Variants in ERC1 observed in about 807,000 individuals in gnomAD.
The protein encoded by ERC1 is ELKS/RAB6-interacting/CAST family member 1, also known as RAB6 interacting protein 2.
ERC1 carries 56 observed loss-of-function variants against 132.0 expected under a neutral mutation model. That is an observed-to-expected ratio of 0.42 (90% confidence interval 0.34 to 0.53). ERC1 has a LOEUF of 0.53. Among genes scored for constraint, ERC1 ranks in the 20% least tolerant of loss-of-function variants. ERC1 has a pLI of 0.03. For synonymous variants in ERC1, 478 were observed against 476.1 expected, an observed-to-expected ratio of 1.00 and a Z score of -0.05; for missense variants, 1,202 against 1,349.9, an observed-to-expected ratio of 0.89 and a Z score of 1.72.
At chr12:1,003,315 T>C (rs1962835167) in intron 1 of ERC1, among the ~76,000 whole-genome samples, 1 of 152,160 alleles carries the variant, frequency 6.6e-6, no homozygotes, top group Non-Finnish European at 1.5e-5. Context: ...ACACATCTTT[T>C]GTTAAATTTA....
chr12:1,354,926 G>T lies in ERC1; in HGVS notation c.2781-16907G>T, dbSNP rs556836890. ...CAAAATCCTGGGATTACAGCAGTCCGCCCACTGATTTATCTTTAAATCACC... is the reference window on the plus strand; with the variant it reads ...CAAAATCCTGGGATTACAGCAGTCCTCCCACTGATTTATCTTTAAATCACC... On this transcript the variant is annotated intron_variant, in intron 15 of 18. Coordinates refer to ENST00000360905, the MANE Select transcript of ERC1 (RefSeq NM_178040.4). Among the ~76,000 whole-genome samples, 18 of 152,246 alleles carry T rather than the reference G, an allele frequency of 1.2e-4. 1 individual carries two copies. Among genetic ancestry groups the T allele is most frequent in the African/African-American group, 4.3e-4 (18 of 41,544 alleles).
intron 12 of ERC1, among the ~76,000 whole-genome samples, chr12:1,208,463 C>T (rs1008693731): frequency 5.3e-5 from 8 of 152,204 alleles, no homozygotes; most frequent in South Asian, 2.1e-4. Context: ...TTAGACACCC[C>T]TGCTCTATAT....
chr12:1,038,517 T>C (rs1245113883), intron 2 of ERC1, among the ~76,000 whole-genome samples: 3 of 152,044 alleles, frequency 2.0e-5, no homozygotes, highest in South Asian at 2.1e-4. Context: ...CACGCCACCA[T>C]GCCCTGCTAA....
chr12:1,225,473 C>A (rs142432380), intron 12 of ERC1, among the ~76,000 whole-genome samples: 2 of 151,516 alleles, frequency 1.3e-5, no homozygotes, highest in Admixed American at 6.6e-5. Flanking sequence ...CACACACACA[C>A]ACACACACAC....
chr12:1,196,347 A>G (rs1401405270), intron 12 of ERC1, among the ~76,000 whole-genome samples: 1 of 152,058 alleles, frequency 6.6e-6, no homozygotes, highest in East Asian at 1.9e-4. Context: ...CTAGGCAGCT[A>G]CTTTAAAGGG....
chr12:1,024,843 A>G (rs1161519659), intron 1 of ERC1, among the ~76,000 whole-genome samples: 1 of 110,834 alleles, frequency 9.0e-6, no homozygotes, highest in Non-Finnish European at 1.8e-5. Context: ...AAAAAAGTGG[A>G]AAAAAAAAAA....
chr12:1,353,049 G>A (rs1270174395), intron 15 of ERC1, among the ~76,000 whole-genome samples: 1 of 118,726 alleles, frequency 8.4e-6, no homozygotes, highest in Non-Finnish European at 1.7e-5. Flanking sequence ...TTTTTTTTCT[G>A]AGATGGAGTC....
At chr12:1,177,314 G>A (rs1593982023) in intron 8 of ERC1, among the ~76,000 whole-genome samples, 1 of 152,182 alleles carries the variant, frequency 6.6e-6, no homozygotes, top group Non-Finnish European at 1.5e-5. Context: ...CTTTCAGCCT[G>A]TCTTGGCTTT....
chr12:1,424,829 A>AGAT (rs1565410634), intron 17 of ERC1, among the ~76,000 whole-genome samples: 11 of 128,416 alleles, frequency 8.6e-5, no homozygotes, highest in Admixed American at 3.1e-4. Context: ...ATAGATAGAT[A>AGAT]GATAGATAGA....
chr12:1,168,479 CTT>C (rs746267742), intron 8 of ERC1, among the ~76,000 whole-genome samples: 30 of 91,946 alleles, frequency 3.3e-4, no homozygotes, highest in Non-Finnish European at 3.6e-4. Context: ...AGTGACTGGT[CTT>C]TTTTTTTTTT....
chr12:1,144,259 T>G (rs1950124396), intron 8 of ERC1, among the ~76,000 whole-genome samples: 1 of 152,208 alleles, frequency 6.6e-6, no homozygotes, highest in African/African-American at 2.4e-5. Flanking sequence ...TTTTTTATTA[T>G]TTTTTGTTTC....
At chr12:1,158,972 A>G (rs566351970) in intron 8 of ERC1, among the ~76,000 whole-genome samples, 5 of 152,320 alleles carry the variant, frequency 3.3e-5, no homozygotes, top group African/African-American at 1.2e-4. Context: ...ATATTGTTGA[A>G]GTTCATTGGC....
intron 2 of ERC1, among the ~76,000 whole-genome samples, chr12:1,077,534 C>T (rs1941544310): frequency 1.3e-5 from 2 of 152,126 alleles, no homozygotes; most frequent in Admixed American, 1.3e-4. Context: ...AATAATAGTA[C>T]AGTCCCTGGA....
chr12:1,138,035 A>G, intron 7 of ERC1, among the ~76,000 whole-genome samples: 1 of 132,460 alleles, frequency 7.5e-6, no homozygotes, highest in Middle Eastern at 3.4e-3. Flanking sequence ...TTATATAATT[A>G]TATATAAAAT....
chr12:1,366,388 C>T (rs929756763), intron 15 of ERC1, among the ~76,000 whole-genome samples: 4 of 152,116 alleles, frequency 2.6e-5, no homozygotes, highest in Admixed American at 2.6e-4. Context: ...TTAATATCAT[C>T]CAAACTATGT....
At chr12:1,280,757 CAT>C (rs1460436872) in intron 14 of ERC1, among the ~76,000 whole-genome samples, 1 of 152,230 alleles carries the variant, frequency 6.6e-6, no homozygotes, top group Non-Finnish European at 1.5e-5. Flanking sequence ...CATACATACA[CAT>C]ATTATACACG....
chr12:1,296,500 G>A (rs748212450), intron 15 of ERC1, among the ~76,000 whole-genome samples: 4 of 125,624 alleles, frequency 3.2e-5, no homozygotes, highest in East Asian at 2.8e-4. Context: ...TGCAACCTCC[G>A]CCTCCTGGGT....
intron 14 of ERC1, among the ~76,000 whole-genome samples, chr12:1,285,061 AT>A (rs796751032): frequency 3.3e-5 from 5 of 151,628 alleles, no homozygotes; most frequent in Admixed American, 1.3e-4. Context: ...TTTTAATCGA[AT>A]TTTTTTTTGT....
At chr12:1,200,804 C>T (rs1956844411) in intron 12 of ERC1, among the ~76,000 whole-genome samples, 2 of 152,080 alleles carry the variant, frequency 1.3e-5, no homozygotes, top group Admixed American at 6.5e-5. Context: ...GTGATCCGCC[C>T]GCCTCGGCCT....
Sources: allele counts gnomAD v4.1 joint callset (sites outside exome capture counted in the v4.1 genomes callset), GRCh38; gene constraint gnomAD v4.1.1; transcripts MANE v1.5; gene names NCBI Gene and HGNC (gene_info 2026-07-23, HGNC 2026-07-21).